NAV1: variants seen among roughly 807,000 people sequenced by gnomAD.
The protein encoded by NAV1 is neuron navigator 1.
A neutral mutation model predicts 175.2 loss-of-function variants in NAV1; 18 were observed. The observed-to-expected ratio is 0.10, with a 90% CI of 0.07 to 0.15. NAV1 has a LOEUF of 0.15. Among genes scored for constraint, NAV1 ranks in the 10% least tolerant of loss-of-function variants. The pLI, the probability that NAV1 is intolerant of heterozygous loss-of-function variation, is 1.00. For missense variants in NAV1, 1,731 were observed against 2,436.6 expected (o/e 0.71, Z 6.10); for synonymous variants, 897 against 978.7 (o/e 0.92, Z 1.56).
At chr1:201,560,856 G>A (rs1323309588) in intron 1 of NAV1, among the ~76,000 whole-genome samples, 3 of 152,218 alleles carry the variant, frequency 2.0e-5, no homozygotes, top group African/African-American at 2.4e-5. Context: ...GCACAATGAC[G>A]GGAAGGCCAG....
Position 201,710,172 on chromosome 1 carries a change from A to C in NAV1, c.758-2645A>C, listed in dbSNP as rs984103420. Among the ~76,000 whole-genome samples the C allele has an allele frequency of 9.2e-4, 140 of 152,266 alleles. 1 individual carries two copies. The highest frequency in any genetic ancestry group is 3.3e-3 in the African/African-American group (136 of 41,546). Reference sequence around the variant, plus strand: ...TAAACATTTTTCCTTAAAAAAAAAAAAAAAAGACATTTTCCTAACGTGACA... The same window carrying C: ...TAAACATTTTTCCTTAAAAAAAAAACAAAAAGACATTTTCCTAACGTGACA... On this transcript the variant is annotated intron_variant, in intron 1 of 29. Coordinates refer to ENST00000367296, the Ensembl canonical transcript of NAV1.
intron 1 of NAV1, among the ~76,000 whole-genome samples, chr1:201,541,305 T>C (rs1329762842): frequency 6.6e-6 from 1 of 152,220 alleles, no homozygotes; most frequent in Non-Finnish European, 1.5e-5. Flanking sequence ...AAAGGCCTCC[T>C]ATCTCATTTA....
chr1:201,656,460 G>A (rs1277427346), intron 1 of NAV1, among the ~76,000 whole-genome samples: 1 of 152,216 alleles, frequency 6.6e-6, no homozygotes, highest in African/African-American at 2.4e-5. Flanking sequence ...AAGGTTGAAT[G>A]TTATAAGCTC....
intron 1 of NAV1, among the ~76,000 whole-genome samples, chr1:201,548,651 T>A (rs76850357): frequency 0.036 from 5,448 of 152,266 alleles, 147 homozygotes; most frequent in Non-Finnish European, 0.06. Flanking sequence ...TCTCTAATAC[T>A]CTCCTCTTCT....
intron 1 of NAV1, among the ~76,000 whole-genome samples, chr1:201,574,269 G>A (rs1416117939): frequency 6.6e-6 from 1 of 152,186 alleles, no homozygotes; most frequent in African/African-American, 2.4e-5. Flanking sequence ...TCCCCACAGA[G>A]AGAGTCAGGT....
In NAV1 at chr1:201,750,072, C is replaced by A. The variant is rs1205388345; in HGVS notation, c.1227-30349C>A. 1.3e-5 allele frequency among the ~76,000 whole-genome samples: 2 copies of A among 152,138 alleles called. No individual in the cohort carries two copies. Among genetic ancestry groups the A allele is most frequent in the Non-Finnish European group, 2.9e-5 (2 of 68,040 alleles). On this transcript the variant is annotated intron_variant, in intron 3 of 29. Transcript: ENST00000367296. The surrounding 1 kb of genome is among the most constrained non-coding windows in gnomAD (Gnocchi z 4.1). ...AACTGACATTAGACTTGATAATGCA[C>A]TGTAGGTATGGGTGTGAAGACTCAA...
chr1:201,746,028 G>A (rs994163276), intron 3 of NAV1, among the ~76,000 whole-genome samples: 6 of 151,334 alleles, frequency 4.0e-5, no homozygotes, highest in Admixed American at 1.3e-4. Context: ...GGGTTTTGCC[G>A]TGTTGTCCAG....
At chr1:201,749,387 C>CT (rs1673964989) in intron 3 of NAV1, among the ~76,000 whole-genome samples, 1 of 152,222 alleles carries the variant, frequency 6.6e-6, no homozygotes, top group Non-Finnish European at 1.5e-5. Context: ...GTGAATTTCA[C>CT]TTTTGTCTTT....
chr1:201,642,123 C>T (rs1467545252), intron 2 of NAV1, among the ~76,000 whole-genome samples: 1 of 143,540 alleles, frequency 7.0e-6, no homozygotes, highest in Non-Finnish European at 1.5e-5. Context: ...TCTTCCCTTT[C>T]TTCTCTCTTT....
chr1:201,540,010 G>A (rs1056689783), intron 1 of NAV1, among the ~76,000 whole-genome samples: 1 of 152,226 alleles, frequency 6.6e-6, no homozygotes, highest in Non-Finnish European at 1.5e-5. Flanking sequence ...GTGATCACGG[G>A]GAGCTCACCT....
rs191385765 is a variant in NAV1, at chr1:201,784,067, C to T, written c.2804+215C>T. ...TATTCTTATATTAAAAATGAAGAAA[C>T]TTGTGCACAAAGAAGTTAAATGACT... On this transcript the variant is annotated intron_variant, in intron 7 of 29. Coordinates refer to ENST00000367296, the Ensembl canonical transcript of NAV1. Among the ~76,000 whole-genome samples the T allele has an allele frequency of 4.3e-4, 66 of 152,302 alleles. No individual in the cohort carries two copies. The East Asian group carries it at 0.013, about 29-fold the overall frequency.
At chr1:201,819,998 C>A in exon 30 of NAV1, 1 of 1,416,664 alleles carries the variant, frequency 7.1e-7, no homozygotes, top group Non-Finnish European at 1.0e-6. Flanking sequence ...AGCTCCTCCT[C>A]TCCCCTCTCC....
intron 1 of NAV1, 53 bp from the exon 6 acceptor site, chr1:201,712,764 T>C: frequency 7.9e-7 from 1 of 1,268,932 alleles, no homozygotes; most frequent in East Asian, 2.3e-5. Context: ...ACCCCCAGGA[T>C]CCCAGCATTA....
chr1:201,593,863 T>G (rs963596820), intron 2 of NAV1, among the ~76,000 whole-genome samples: 17 of 152,162 alleles, frequency 1.1e-4, no homozygotes, highest in Non-Finnish European at 2.2e-4. Flanking sequence ...GCAGGGAGGA[T>G]GGATGAGCCT....
At chr1:201,541,524 G>A (rs964887740) in intron 1 of NAV1, among the ~76,000 whole-genome samples, 23 of 152,160 alleles carry the variant, frequency 1.5e-4, no homozygotes, top group South Asian at 1.2e-3. Flanking sequence ...GGCCAGGTGC[G>A]GTGGCTCATG....
intron 3 of NAV1, among the ~76,000 whole-genome samples, chr1:201,730,970 T>C (rs903680107): frequency 6.6e-6 from 1 of 152,098 alleles, no homozygotes; most frequent in African/African-American, 2.4e-5. Context: ...AAGGACTGAA[T>C]GGTGGTCATC....
At chr1:201,545,805 G>T (rs1483780920) in intron 1 of NAV1, among the ~76,000 whole-genome samples, 1 of 152,218 alleles carries the variant, frequency 6.6e-6, no homozygotes, top group Non-Finnish European at 1.5e-5. Context: ...AGGGATAAAT[G>T]AAGGCATAAA....
intron 1 of NAV1, among the ~76,000 whole-genome samples, chr1:201,571,728 C>T (rs1474157868): frequency 4.6e-5 from 7 of 152,200 alleles, no homozygotes; most frequent in African/African-American, 1.7e-4. Flanking sequence ...CAGCAAATTT[C>T]CCTTCCTAAT....
chr1:201,753,173 C>T (rs1377591777), intron 3 of NAV1, among the ~76,000 whole-genome samples: 1 of 152,098 alleles, frequency 6.6e-6, no homozygotes, highest in Non-Finnish European at 1.5e-5. Context: ...TTAGAAGTGG[C>T]TTTTCAGAGA....
Sources: allele counts gnomAD v4.1 joint callset (sites outside exome capture counted in the v4.1 genomes callset), GRCh38; gene constraint gnomAD v4.1.1; non-coding constraint Gnocchi (gnomAD v3.1); transcripts MANE v1.5; gene names NCBI Gene and HGNC (gene_info 2026-07-23, HGNC 2026-07-21).